The following PCSK6 variants were observed in gnomAD, a reference collection of about 807,000 sequenced individuals.
PCSK6 encodes proprotein convertase subtilisin/kexin type 6.
In PCSK6, 85 loss-of-function variants were observed where a neutral mutation model predicts 123.3. The ratio of observed to expected loss-of-function variants is 0.69; its 90% CI spans 0.58 to 0.83. The LOEUF is 0.83. PCSK6 is among the 40% of genes least tolerant of loss of function. The pLI, the probability that PCSK6 is intolerant of heterozygous loss-of-function variation, is 0.00. For missense variants in PCSK6, 1,191 were observed against 1,282.3 expected, an observed-to-expected ratio of 0.93 and a Z score of 1.09; for synonymous variants, 508 against 516.0, an observed-to-expected ratio of 0.98 and a Z score of 0.21.
At chr15:101,424,691 C>T (rs2056195852) in intron 6 of PCSK6, among the ~76,000 whole-genome samples, 1 of 152,172 alleles carries the variant, frequency 6.6e-6, no homozygotes, top group Non-Finnish European at 1.5e-5. Context: ...AAGAAATGCA[C>T]TGTGGGTTTA....
In PCSK6 at chr15:101,473,406, C is replaced by A. The variant is rs548466937; in HGVS notation, c.297+15968G>T. On this transcript the variant is annotated intron_variant, in intron 1 of 21. Coordinates refer to ENST00000611716, the MANE Select transcript of PCSK6 (RefSeq NM_002570.5). ...TACAAGCATAAGCCACCATGCCTAG[C>A]CTTCATTTGGATTTTAAGATTATTT... Among the ~76,000 whole-genome samples the A allele has an allele frequency of 1.2e-3, 177 of 152,296 alleles. 2 individuals carry two copies. Among genetic ancestry groups the A allele is most frequent in the African/African-American group, 4.1e-3 (170 of 41,560 alleles).
intron 1 of PCSK6, among the ~76,000 whole-genome samples, chr15:101,476,765 G>A (rs1253071792): frequency 6.6e-6 from 1 of 152,094 alleles, no homozygotes; most frequent in Non-Finnish European, 1.5e-5. Flanking sequence ...TCTTTACAAT[G>A]GGGGAGCATT....
At chr15:101,477,501 G>A (rs973218562) in intron 1 of PCSK6, among the ~76,000 whole-genome samples, 8 of 152,214 alleles carry the variant, frequency 5.3e-5, no homozygotes, top group African/African-American at 1.9e-4. Context: ...ATATGAGTGT[G>A]CACGCACACA....
intron 1 of PCSK6, among the ~76,000 whole-genome samples, chr15:101,450,331 T>C (rs1375412245): frequency 1.3e-5 from 2 of 152,076 alleles, no homozygotes; most frequent in Non-Finnish European, 2.9e-5. Flanking sequence ...TGTCATCCAG[T>C]GTAAGGGGCC....
intron 13 of PCSK6, among the ~76,000 whole-genome samples, chr15:101,353,253 AC>A (rs2040946537): frequency 1.3e-5 from 2 of 152,192 alleles, no homozygotes; most frequent in Non-Finnish European, 2.9e-5. Context: ...GGAGCGTGCA[AC>A]CTAGATCCCT....
intron 13 of PCSK6, among the ~76,000 whole-genome samples, chr15:101,361,797 CA>C (rs1383461560): frequency 6.6e-6 from 1 of 151,820 alleles, no homozygotes; most frequent in Non-Finnish European, 1.5e-5. Flanking sequence ...GGGGTTGAGG[CA>C]GGGGGGCCAG....
chr15:101,419,397 T>TA (rs1441363014), intron 6 of PCSK6, among the ~76,000 whole-genome samples: 4 of 152,036 alleles, frequency 2.6e-5, no homozygotes, highest in African/African-American at 9.7e-5. Context: ...GATAAAACTT[T>TA]AAAAAACAAT....
At chr15:101,368,334 G>A (rs934695442) in intron 12 of PCSK6, among the ~76,000 whole-genome samples, 4 of 152,312 alleles carry the variant, frequency 2.6e-5, no homozygotes, top group East Asian at 1.9e-4. Flanking sequence ...TCAGGTAGCC[G>A]GACGTAAGCA....
chr15:101,368,757 C>A (rs989362237), intron 12 of PCSK6, among the ~76,000 whole-genome samples: 6 of 152,218 alleles, frequency 3.9e-5, no homozygotes, highest in Non-Finnish European at 8.8e-5. Context: ...TGGACACACA[C>A]TCGCCCACCT....
At chr15:101,406,370 T>C (rs144585995) in intron 6 of PCSK6, among the ~76,000 whole-genome samples, 244 of 152,336 alleles carry the variant, frequency 1.6e-3, no homozygotes, top group African/African-American at 5.1e-3. Flanking sequence ...TGAATGGCAA[T>C]GCAGAAGCAA....
At chr15:101,444,872 C>G (rs1334685621) in intron 1 of PCSK6, among the ~76,000 whole-genome samples, 1 of 152,258 alleles carries the variant, frequency 6.6e-6, no homozygotes, top group East Asian at 1.9e-4. Flanking sequence ...GATGCTGTGG[C>G]CATTTTCATA....
At chr15:101,370,235 G>A in intron 12 of PCSK6, 100 bp downstream of exon 12, 2 of 1,017,568 alleles carry the variant, frequency 2.0e-6, no homozygotes, top group Non-Finnish European at 2.7e-6. Flanking sequence ...ACGCCAGAGG[G>A]CCTTGCAGAG....
At chr15:101,371,203 A>G (rs1246402302) in intron 11 of PCSK6, among the ~76,000 whole-genome samples, 1 of 152,152 alleles carries the variant, frequency 6.6e-6, no homozygotes, top group African/African-American at 2.4e-5. Flanking sequence ...CAAGGCTCCA[A>G]CTCAAAAATA....
At chr15:101,485,189 T>C (rs1029870839) in intron 1 of PCSK6, among the ~76,000 whole-genome samples, 2 of 152,360 alleles carry the variant, frequency 1.3e-5, no homozygotes, top group Non-Finnish European at 2.9e-5. Flanking sequence ...CCCAGCGAAC[T>C]TGAGTGAAGC....
chr15:101,317,921 T>C lies in PCSK6; in HGVS notation c.2569+398A>G, dbSNP rs141281140. ...CTTTGCTGCCCAGGCTGGTCCTGAG[T>C]TCCTGGGCTCGAGCTGTCCTCCCAT... On this transcript the variant is annotated intron_variant, in intron 19 of 21. Coordinates refer to ENST00000611716, the MANE Select transcript of PCSK6 (RefSeq NM_002570.5). Among the ~76,000 whole-genome samples, 356 of 152,296 alleles carry C rather than the reference T, an allele frequency of 2.3e-3. 1 individual carries two copies. Among genetic ancestry groups the C allele is most frequent in the African/African-American group, 8.2e-3 (339 of 41,552 alleles).
intron 1 of PCSK6, among the ~76,000 whole-genome samples, chr15:101,457,049 T>A (rs901053941): frequency 4.6e-5 from 7 of 152,170 alleles, no homozygotes; most frequent in African/African-American, 1.7e-4. Flanking sequence ...GGTGCACACC[T>A]GTAATCCCAG....
chr15:101,443,462 T>A (rs2056807477), intron 2 of PCSK6, 94 bp downstream of exon 2: 1 of 823,424 alleles, frequency 1.2e-6, no homozygotes, highest in South Asian at 1.5e-5. Context: ...AACTCATGTC[T>A]ATCCAGAATC....
chr15:101,478,137 G>C (rs1309269210), intron 1 of PCSK6, among the ~76,000 whole-genome samples: 2 of 152,176 alleles, frequency 1.3e-5, no homozygotes, highest in Non-Finnish European at 2.9e-5. Context: ...TATGAGGAAG[G>C]CCTGGAATGC....
chr15:101,409,667 A>T (rs1024795986), intron 6 of PCSK6, among the ~76,000 whole-genome samples: 3 of 151,920 alleles, frequency 2.0e-5, no homozygotes, highest in African/African-American at 7.3e-5. Flanking sequence ...AAAGTGTCTG[A>T]ATCTGGTTAA....
Sources: gnomAD v4.1 joint callset for allele counts (sites outside exome capture counted in the v4.1 genomes callset) on GRCh38, gnomAD v4.1.1 for gene constraint, MANE v1.5 for transcripts, NCBI Gene and HGNC (gene_info 2026-07-23, HGNC 2026-07-21) for gene names.